ODR4: variants seen among roughly 807,000 people sequenced by gnomAD.
The protein encoded by ODR4 is protein odr-4 homolog.
ODR4 carries 47 observed loss-of-function variants against 60.2 expected under a neutral mutation model. That is an observed-to-expected ratio of 0.78 (90% CI 0.62 to 1.00). The LOEUF is 1.00. Among genes scored for constraint, ODR4 ranks in the 50% least tolerant of loss-of-function variants. The pLI, the probability that ODR4 is intolerant of heterozygous loss-of-function variation, is 0.00. For synonymous variants in ODR4, 178 were observed against 175.5 expected (o/e 1.01, Z -0.11); for missense variants, 488 against 530.8 (o/e 0.92, Z 0.79).
intron 11 of ODR4, among the ~76,000 whole-genome samples, chr1:186,405,758 G>A (rs1256278878): frequency 2.0e-5 from 3 of 152,028 alleles, no homozygotes; most frequent in Non-Finnish European, 4.4e-5. Flanking sequence ...CACCATGTTG[G>A]CCACGTTGGT....
At chr1:186,428,311 A>G in the ODR4 span, among the ~76,000 whole-genome samples, 2 of 152,282 alleles carry the variant, frequency 1.3e-5, no homozygotes, top group South Asian at 4.1e-4. Flanking sequence ...TTCACCTTGT[A>G]CTTTTATGTT....
At position 186,418,289 on chromosome 1, in the gene ODR4, C is replaced by CT. The variant is rs35821609; in HGVS notation, c.1297+654dup. Among the ~76,000 whole-genome samples the CT allele has an allele frequency of 4.0e-3, 440 of 110,334 alleles. 3 individuals are homozygous for CT. Among genetic ancestry groups the CT allele is most frequent in the African/African-American group, 8.3e-3 (247 of 29,606 alleles). The allele number at this position is 110,334 out of a possible 152,430, so 72.4% of individuals were successfully genotyped here. A position where few individuals can be genotyped will look rare whatever the true frequency, so the allele number is the denominator to read the frequency against. Reference sequence around the variant, plus strand: ...ACTACTATGGTCATTTTCTTTCTTTCTTTTTTTTTTTTTTTTTTTGAGACG... The same window carrying CT: ...ACTACTATGGTCATTTTCTTTCTTTCTTTTTTTTTTTTTTTTTTTTGAGACG... On this transcript the variant is annotated intron_variant, in intron 13 of 13. Coordinates refer to ENST00000287859, the MANE Select transcript of ODR4 (RefSeq NM_017847.6).
At chr1:186,382,930 CA>C (rs1660094917) in intron 2 of ODR4, 91 bp from the exon 3 acceptor site, 1 of 1,284,996 alleles carries the variant, frequency 7.8e-7, no homozygotes. Flanking sequence ...TCAGTTTTTG[CA>C]TGTCATAAAA....
chr1:186,406,640 A>G (rs1453165513), intron 12 of ODR4, among the ~76,000 whole-genome samples: 1 of 152,138 alleles, frequency 6.6e-6, no homozygotes, highest in Admixed American at 6.5e-5. Flanking sequence ...TCAGAACAGA[A>G]GGTTTTAAAA....
chr1:186,425,275 C>T (rs921092007), downstream of ODR4, among the ~76,000 whole-genome samples: 2 of 152,146 alleles, frequency 1.3e-5, no homozygotes, highest in African/African-American at 4.8e-5. Flanking sequence ...GTTTTCTTTC[C>T]CATATTCACC....
At chr1:186,396,575 C>CT (rs1294921858) in intron 9 of ODR4, among the ~76,000 whole-genome samples, 1 of 152,114 alleles carries the variant, frequency 6.6e-6, no homozygotes, top group Non-Finnish European at 1.5e-5. Context: ...CATCACTGTA[C>CT]TCTAGGCTGG....
chr1:186,399,070 T>C, intron 11 of ODR4, 26 bp downstream of exon 11: 1 of 1,433,504 alleles, frequency 7.0e-7, no homozygotes. Flanking sequence ...AAGTACTTTT[T>C]TGCGTATCTT....
the ODR4 span, among the ~76,000 whole-genome samples, chr1:186,428,617 G>A: frequency 2.0e-5 from 3 of 152,182 alleles, no homozygotes; most frequent in Non-Finnish European, 2.9e-5. Flanking sequence ...TGTTGCAAGA[G>A]GCTTAGCTTT....
chr1:186,426,236 T>G (rs185451603), downstream of ODR4, among the ~76,000 whole-genome samples: 26 of 152,226 alleles, frequency 1.7e-4, no homozygotes, highest in Non-Finnish European at 2.9e-4. Flanking sequence ...ATTGCAGTTA[T>G]CTTTTGCTCC....
chr1:186,423,516 G>A (rs756053171), downstream of ODR4, among the ~76,000 whole-genome samples: 5 of 135,814 alleles, frequency 3.7e-5, no homozygotes, highest in East Asian at 2.3e-4. Flanking sequence ...GTGCAGTTGC[G>A]TGATCTCGGC....
the ODR4 span, among the ~76,000 whole-genome samples, chr1:186,429,548 C>T: frequency 1.3e-5 from 2 of 152,044 alleles, no homozygotes; most frequent in Non-Finnish European, 2.9e-5. Flanking sequence ...CACATATGAC[C>T]CTTAATCGCA....
At chr1:186,433,005 C>T in the ODR4 span, among the ~76,000 whole-genome samples, 1 of 151,938 alleles carries the variant, frequency 6.6e-6, no homozygotes, top group Non-Finnish European at 1.5e-5. Flanking sequence ...AGGCTGGTCT[C>T]GAACTCCTGA....
At chr1:186,404,548 A>G (rs749867114) in intron 11 of ODR4, among the ~76,000 whole-genome samples, 3 of 152,194 alleles carry the variant, frequency 2.0e-5, no homozygotes, top group Non-Finnish European at 4.4e-5. Context: ...CTGTGGCTCA[A>G]AATAAAATAA....
At chr1:186,398,487 C>T (rs3766698) in intron 10 of ODR4, 46 bp downstream of exon 10, 156,884 of 1,515,788 alleles carry the variant, frequency 0.1, 10,631 homozygotes, top group East Asian at 0.4. Context: ...TAACTATTAA[C>T]AAAAACCTAA....
chr1:186,382,019 G>A (rs1267410808), intron 2 of ODR4, among the ~76,000 whole-genome samples: 2 of 151,902 alleles, frequency 1.3e-5, no homozygotes, highest in Non-Finnish European at 2.9e-5. Context: ...TTTTTTATAG[G>A]AAACTTTCAC....
the ODR4 span, among the ~76,000 whole-genome samples, chr1:186,432,484 T>C: frequency 9.9e-5 from 15 of 152,208 alleles, no homozygotes; most frequent in African/African-American, 3.4e-4. Context: ...AATTAACTTA[T>C]AAATACATCT....
intron 12 of ODR4, among the ~76,000 whole-genome samples, chr1:186,415,755 A>G (rs989449763): frequency 3.3e-5 from 5 of 152,248 alleles, no homozygotes; most frequent in African/African-American, 1.2e-4. Flanking sequence ...CTATCAGTTC[A>G]CACACTTTCA....
intron 13 of ODR4, among the ~76,000 whole-genome samples, chr1:186,418,379 T>C (rs978357497): frequency 2.7e-5 from 4 of 150,906 alleles, no homozygotes; most frequent in Non-Finnish European, 4.4e-5. Context: ...CAAGCTCCGC[T>C]TCCCGGGTTC....
chr1:186,431,120 A>C, the ODR4 span, among the ~76,000 whole-genome samples: 2 of 152,166 alleles, frequency 1.3e-5, no homozygotes, highest in African/African-American at 4.8e-5. Flanking sequence ...ATAATAGCTC[A>C]GAGGGGGAAG....
Sources: gnomAD v4.1 joint callset for allele counts (sites outside exome capture counted in the v4.1 genomes callset) on GRCh38, gnomAD v4.1.1 for gene constraint, MANE v1.5 for transcripts, NCBI Gene and HGNC (gene_info 2026-07-23, HGNC 2026-07-21) for gene names.